Variants in TMEM185A observed in about 807,000 individuals in gnomAD.
The protein encoded by TMEM185A is family with sequence similarity 11, member A.
Under a neutral mutation model 25.0 loss-of-function variants are expected in TMEM185A, and 9 were observed. The ratio of observed to expected loss-of-function variants is 0.36; its 90% CI spans 0.22 to 0.63. TMEM185A has a LOEUF of 0.63. TMEM185A is among the 20% of genes least tolerant of loss of function. TMEM185A has a pLI of 0.68. For synonymous variants in TMEM185A, 45 were observed against 93.5 expected (o/e 0.48, Z 2.99); for missense variants, 103 against 237.4 (o/e 0.43, Z 3.72).
chrX:149,605,704 T>G (rs905275865), intron 3 of TMEM185A, among the ~76,000 whole-genome samples: 29 of 112,245 alleles, frequency 2.6e-4, no homozygotes, highest in African/African-American at 9.1e-4. Flanking sequence ...AAGTCCAGAT[T>G]TCTCCTGAAT....
intron 2 of TMEM185A, 114 bp from the exon 3 acceptor site, chrX:149,608,948 G>T (rs1337845010): frequency 2.9e-6 from 2 of 697,680 alleles, no homozygotes; most frequent in Non-Finnish European, 4.2e-6. Flanking sequence ...TTGAAAATTT[G>T]ACAAAAGCAA....
chrX:149,613,452 C>T (rs1333365979), intron 1 of TMEM185A, among the ~76,000 whole-genome samples: 4 of 112,069 alleles, frequency 3.6e-5, no homozygotes, highest in Non-Finnish European at 7.5e-5. Flanking sequence ...TCGCAGCTGA[C>T]AGCCAGCAAG....
intron 1 of TMEM185A, among the ~76,000 whole-genome samples, chrX:149,619,889 A>T (rs1172961067): frequency 9.0e-6 from 1 of 111,703 alleles, no homozygotes; most frequent in African/African-American, 3.3e-5. Context: ...CATTTTCTTG[A>T]TCCAGTCTAT....
At chrX:149,604,898 A>G (rs1557353052) in intron 3 of TMEM185A, among the ~76,000 whole-genome samples, 1 of 111,093 alleles carries the variant, frequency 9.0e-6, no homozygotes, top group Non-Finnish European at 1.9e-5. Flanking sequence ...CCCACCATAC[A>G]GTCTTGGAGC....
chrX:149,620,420 T>A (rs2090134008), intron 1 of TMEM185A, among the ~76,000 whole-genome samples: 1 of 112,324 alleles, frequency 8.9e-6, no homozygotes, highest in Admixed American at 9.4e-5. Flanking sequence ...TTAAACTAGA[T>A]GTGCATTCAG....
chrX:149,617,223 G>C (rs1190407914), intron 1 of TMEM185A, among the ~76,000 whole-genome samples: 1 of 111,607 alleles, frequency 9.0e-6, no homozygotes, highest in Non-Finnish European at 1.9e-5. Flanking sequence ...ACATTTCTTA[G>C]ATGGGATATG....
At chrX:149,617,080 C>A (rs1447525448) in intron 1 of TMEM185A, among the ~76,000 whole-genome samples, 1 of 112,126 alleles carries the variant, frequency 8.9e-6, no homozygotes, top group Non-Finnish European at 1.9e-5. Context: ...GGAAAGTACA[C>A]CTTGACTCTT....
In TMEM185A at chrX:149,611,447, C is replaced by A; in HGVS notation, c.55G>T (p.Ala19Ser). ...DFNPSKFLIYACLLLFSVLLA... is the reference protein window; with the variant it reads ...DFNPSKFLIYSCLLLFSVLLA... ...AGCACAGAGAACAGCAGCAGACAGG[C>A]ATAGATGAGGAATTTACTAGGAGAA... The change falls in exon 2 of 7, where the codon GCC becomes TCC. Residue 19 changes from alanine (A) to serine (S), a missense_variant. Physicochemically the swap from Ala to Ser is moderately conservative, Grantham distance 99 (BLOSUM62 1). Transcript: ENST00000600449. 1 of 1,190,665 alleles carries A rather than the reference C, an allele frequency of 8.4e-7. No individual in the cohort carries two copies. Among genetic ancestry groups the A allele is most frequent in the South Asian group, 1.9e-5 (1 of 52,490 alleles).
intron 1 of TMEM185A, among the ~76,000 whole-genome samples, chrX:149,627,602 CAA>C (rs2090170222): frequency 8.9e-6 from 1 of 112,134 alleles, no homozygotes; most frequent in Admixed American, 9.4e-5. Flanking sequence ...AAATCTAGCT[CAA>C]AAGTCATTTC....
chrX:149,604,026 A>C lies in TMEM185A; in HGVS notation c.468T>G (p.Ile156Met). The C allele has an allele frequency of 8.3e-7, 1 of 1,209,046 alleles. No homozygotes were observed. The highest frequency in any genetic ancestry group is 1.1e-6 in the Non-Finnish European group (1 of 893,280). ...GGATGATCTTGTCCAGTCTTAAGGC[A>C]ATGAATATAAACTGGAGAATGTTGA... ...CSVNILQFIF[I>M]ALRLDKIIHW... Residue 156 changes from isoleucine (I) to methionine (M), a missense_variant, in exon 4 of 7, where the codon ATT (isoleucine) becomes ATG (methionine). Physicochemically the swap from Ile to Met is conservative, Grantham distance 10. Around this residue, in one of 2 missense-constraint regions of TMEM185A, gnomAD observed 102 missense variants for 125.7 expected, o/e 0.81. Transcript: ENST00000600449.
chrX:149,629,229 C>T (rs782281253), intron 1 of TMEM185A, among the ~76,000 whole-genome samples: 1 of 111,445 alleles, frequency 9.0e-6, no homozygotes, highest in South Asian at 3.8e-4. Context: ...GGAAACATTC[C>T]TGGTAAAGAG....
chrX:149,631,540 C>G lies in TMEM185A; in HGVS notation c.38+3G>C. The G allele has an allele frequency of 8.6e-7, 1 of 1,166,395 alleles. No homozygotes were observed. The highest frequency in any genetic ancestry group is 1.1e-6 in the Non-Finnish European group (1 of 872,666). ...CCCGGGGGCGCCAACGACGCCGCCT[C>G]ACCTCGGGTTGAAGTCCTGGAAGAG... On this transcript the variant is annotated splice_donor_region_variant and intron_variant, in intron 1 of 6. Coordinates refer to ENST00000600449, the MANE Select transcript of TMEM185A (RefSeq NM_032508.4).
intron 2 of TMEM185A, among the ~76,000 whole-genome samples, chrX:149,609,649 G>T (rs1557354212): frequency 1.8e-5 from 2 of 112,034 alleles, no homozygotes; most frequent in African/African-American, 6.5e-5. Context: ...ATGTATTGTG[G>T]GTGACAAATA....
rs2090195255 is a variant in TMEM185A at position 149,631,718 on chromosome X, T to TGCCGCCGCCGCCGCC, written c.-139_-138insGGCGGCGGCGGCGGC. The TGCCGCCGCCGCCGCC allele has an allele frequency of 1.7e-6, 1 of 592,856 alleles. No individual in the cohort carries two copies. Among genetic ancestry groups the TGCCGCCGCCGCCGCC allele is most frequent in the Non-Finnish European group, 2.3e-6 (1 of 436,498 alleles). 48.9% of individuals were successfully genotyped at this position (592,856 alleles called of 1,213,427 possible). ...CTCCCGCTACTGCTGCCGTCCCCGC[T>TGCCGCCGCCGCCGCC]GCCGTCGCCGTCGCCGTCGCCGCCG... On this transcript the variant is annotated 5_prime_UTR_variant, in exon 1 of 7. Transcript: ENST00000600449.
chrX:149,615,063 T>C (rs1424833026), intron 1 of TMEM185A, among the ~76,000 whole-genome samples: 2 of 112,280 alleles, frequency 1.8e-5, no homozygotes, highest in Non-Finnish European at 3.8e-5. Context: ...TGAACAGAGA[T>C]GCAAAAATCC....
intron 3 of TMEM185A, among the ~76,000 whole-genome samples, chrX:149,604,467 C>G (rs992381307): frequency 8.9e-6 from 1 of 111,821 alleles, no homozygotes; most frequent in African/African-American, 3.3e-5. Flanking sequence ...TGCCCTTGGA[C>G]CCCACCCCTT....
intron 1 of TMEM185A, among the ~76,000 whole-genome samples, chrX:149,616,307 G>A (rs1003777318): frequency 8.0e-5 from 9 of 112,036 alleles, no homozygotes; most frequent in Non-Finnish European, 1.7e-4. Flanking sequence ...CCACAAAATT[G>A]GTGACTTAAA....
intron 3 of TMEM185A, among the ~76,000 whole-genome samples, chrX:149,605,970 G>C (rs1282753729): frequency 8.9e-6 from 1 of 112,233 alleles, no homozygotes; most frequent in African/African-American, 3.2e-5. Flanking sequence ...TAGGCCAAAA[G>C]AAATCCCTAA....
intron 1 of TMEM185A, among the ~76,000 whole-genome samples, chrX:149,612,922 C>T (rs1314719330): frequency 8.9e-6 from 1 of 112,022 alleles, no homozygotes; most frequent in Non-Finnish European, 1.9e-5. Flanking sequence ...CAAGCTATAG[C>T]ATATTCAATC....
Sources: allele counts gnomAD v4.1 joint callset (sites outside exome capture counted in the v4.1 genomes callset), GRCh38; gene constraint gnomAD v4.1.1; regional missense constraint gnomAD v4.1.1; transcripts MANE v1.5; gene names NCBI Gene and HGNC (gene_info 2026-07-23, HGNC 2026-07-21).